STAU2: variants seen among roughly 807,000 people sequenced by gnomAD.
STAU2 encodes the protein staufen double-stranded RNA binding protein 2.
STAU2 carries 20 observed loss-of-function variants against 65.9 expected under a neutral mutation model. That is an observed-to-expected ratio of 0.30 (90% CI 0.21 to 0.44). STAU2 has a LOEUF of 0.44. STAU2 is among the 20% of genes least tolerant of loss of function. The pLI, the probability that STAU2 is intolerant of heterozygous loss-of-function variation, is 1.00. For missense variants in STAU2, 558 were observed against 683.9 expected, an observed-to-expected ratio of 0.82 and a Z score of 2.05; for synonymous variants, 232 against 233.9, an observed-to-expected ratio of 0.99 and a Z score of 0.07.
intron 5 of STAU2, among the ~76,000 whole-genome samples, chr8:73,681,664 C>T (rs1316673520): frequency 6.6e-6 from 1 of 152,110 alleles, no homozygotes; most frequent in African/African-American, 2.4e-5. Context: ...AAATGCTCCA[C>T]TTAAAAGATA....
At chr8:73,693,117 C>T (rs562809905) in intron 4 of STAU2, among the ~76,000 whole-genome samples, 40 of 151,994 alleles carry the variant, frequency 2.6e-4, no homozygotes, top group African/African-American at 9.2e-4. Flanking sequence ...GCTATGACTG[C>T]ACAACTGCAC....
intron 5 of STAU2, 91 bp downstream of exon 5, chr8:73,688,563 G>T (rs1238766922): frequency 4.3e-4 from 492 of 1,133,854 alleles, no homozygotes; most frequent in East Asian, 9.6e-4. Flanking sequence ...ATTAATACTT[G>T]CTCACTCTGT....
At chr8:73,508,270 A>T (rs1259678234) in intron 13 of STAU2, among the ~76,000 whole-genome samples, 4 of 152,200 alleles carry the variant, frequency 2.6e-5, no homozygotes, top group Non-Finnish European at 5.9e-5. Context: ...AAGCAATATG[A>T]AACTCTTTCA....
intron 13 of STAU2, among the ~76,000 whole-genome samples, chr8:73,476,912 A>G (rs1305733967): frequency 6.6e-6 from 1 of 152,234 alleles, no homozygotes; most frequent in African/African-American, 2.4e-5. Context: ...GCATAGTGAG[A>G]ATATTGCATA....
At chr8:73,717,164 C>T (rs1016368354) in intron 3 of STAU2, among the ~76,000 whole-genome samples, 1 of 152,058 alleles carries the variant, frequency 6.6e-6, no homozygotes, top group Non-Finnish European at 1.5e-5. Context: ...AGCAAATGGA[C>T]AGTCATCTTA....
intron 3 of STAU2, among the ~76,000 whole-genome samples, chr8:73,725,285 T>G (rs941810336): frequency 2.6e-5 from 4 of 152,236 alleles, no homozygotes; most frequent in Admixed American, 2.6e-4. Flanking sequence ...ATATCCTACA[T>G]AGGCTTACTA....
intron 3 of STAU2, among the ~76,000 whole-genome samples, chr8:73,718,715 T>A (rs972140157): frequency 6.6e-6 from 1 of 152,264 alleles, no homozygotes; most frequent in Non-Finnish European, 1.5e-5. Flanking sequence ...TCCTTTAATT[T>A]CTTGCAGCAG....
At chr8:73,458,583 T>C (rs1473170892) in intron 13 of STAU2, 1 of 146,532 alleles carries the variant, frequency 6.8e-6, no homozygotes. Context: ...TGTAGAAGCT[T>C]CTTTTAAAAA....
At chr8:73,686,682 G>A (rs954368004) in intron 5 of STAU2, among the ~76,000 whole-genome samples, 9 of 151,346 alleles carry the variant, frequency 5.9e-5, no homozygotes, top group South Asian at 4.2e-4. Context: ...AAATCATCAC[G>A]GAAGAATTTA....
At chr8:73,722,227 G>C (rs576538485) in intron 3 of STAU2, among the ~76,000 whole-genome samples, 65 of 152,118 alleles carry the variant, frequency 4.3e-4, no homozygotes, top group Middle Eastern at 3.4e-3. Flanking sequence ...TTTACTTTTA[G>C]ATAAGTTATA....
intron 13 of STAU2, chr8:73,551,115 G>A (rs910845910): frequency 6.2e-5 from 61 of 987,306 alleles, no homozygotes; most frequent in Non-Finnish European, 7.0e-5. Context: ...TCAAGTTAGC[G>A]GTTACAGTTC....
intron 13 of STAU2, among the ~76,000 whole-genome samples, chr8:73,456,162 A>T (rs1435010630): frequency 6.6e-6 from 1 of 151,464 alleles, no homozygotes; most frequent in Non-Finnish European, 1.5e-5. Context: ...TCTTGTTGTC[A>T]TGGAGCATTG....
At chr8:73,426,888 T>C (rs1168749503) in intron 13 of STAU2, among the ~76,000 whole-genome samples, 1 of 152,098 alleles carries the variant, frequency 6.6e-6, no homozygotes, top group Admixed American at 6.6e-5. Flanking sequence ...ATTCCTAAAA[T>C]TGCATTTCTG....
At chr8:73,438,645 G>A (rs1479600893) in intron 13 of STAU2, among the ~76,000 whole-genome samples, 1 of 152,232 alleles carries the variant, frequency 6.6e-6, no homozygotes, top group Non-Finnish European at 1.5e-5. Context: ...GCTCAAAACA[G>A]GAAGGAATCT....
intron 13 of STAU2, among the ~76,000 whole-genome samples, chr8:73,492,750 T>G (rs1359605310): frequency 6.6e-6 from 1 of 151,886 alleles, no homozygotes; most frequent in Non-Finnish European, 1.5e-5. Flanking sequence ...AATGCACTCA[T>G]CCTTTGACCC....
intron 3 of STAU2, among the ~76,000 whole-genome samples, chr8:73,731,090 C>G (rs1806034385): frequency 2.0e-5 from 3 of 152,234 alleles, no homozygotes; most frequent in Admixed American, 1.3e-4. Flanking sequence ...CTATTTGAAG[C>G]CTTATTGTGA....
intron 12 of STAU2, among the ~76,000 whole-genome samples, chr8:73,572,748 C>G (rs564021735): frequency 6.6e-6 from 1 of 152,248 alleles, no homozygotes; most frequent in African/African-American, 2.4e-5. Context: ...GGATGTATCT[C>G]AAAATAATAA....
chr8:73,689,715 G>A (rs62507982), intron 4 of STAU2, among the ~76,000 whole-genome samples: 8,373 of 152,078 alleles, frequency 0.055, 415 homozygotes, highest in Admixed American at 0.16. Context: ...GGAATACTAA[G>A]TATTAACTTA....
intron 4 of STAU2, among the ~76,000 whole-genome samples, chr8:73,701,362 T>C (rs756046976): frequency 2.6e-5 from 4 of 152,136 alleles, no homozygotes; most frequent in East Asian, 1.9e-4. Context: ...GAGAGAAATA[T>C]GTGCAAACTA....
Sources: gnomAD v4.1 joint callset for allele counts (sites outside exome capture counted in the v4.1 genomes callset) on GRCh38, gnomAD v4.1.1 for gene constraint, MANE v1.5 for transcripts, NCBI Gene and HGNC (gene_info 2026-07-23, HGNC 2026-07-21) for gene names.